The following VPS4B variants were observed in gnomAD, a reference collection of about 807,000 sequenced individuals.
VPS4B encodes the protein vacuolar protein sorting-associated protein 4B.
Under a neutral mutation model 56.1 loss-of-function variants are expected in VPS4B, and 23 were observed. That is an observed-to-expected ratio of 0.41 (90% CI 0.30 to 0.58). VPS4B has a LOEUF of 0.58. VPS4B is among the 20% of genes least tolerant of loss of function. VPS4B has a pLI of 0.29. For synonymous variants in VPS4B, 177 were observed against 186.0 expected (o/e 0.95, Z 0.39); for missense variants, 372 against 531.9 (o/e 0.70, Z 2.96).
intron 1 of VPS4B, among the ~76,000 whole-genome samples, chr18:63,413,626 G>C (rs1375319971): frequency 6.6e-6 from 1 of 151,844 alleles, no homozygotes; most frequent in Non-Finnish European, 1.5e-5. Flanking sequence ...GGTTAATTTA[G>C]GTAGTAAAAC....
At chr18:63,422,183 C>A in intron 1 of VPS4B, 50 bp downstream of exon 1, 2 of 1,447,158 alleles carry the variant, frequency 1.4e-6, no homozygotes, top group Non-Finnish European at 1.8e-6. Flanking sequence ...GCTTCTCGCG[C>A]CTCCCCTCGA....
chr18:63,412,690 T>C (rs1252553881), intron 1 of VPS4B, among the ~76,000 whole-genome samples: 2 of 152,138 alleles, frequency 1.3e-5, no homozygotes, highest in Non-Finnish European at 2.9e-5. Context: ...AAAACTTTGA[T>C]TCTTATTTAT....
chr18:63,399,133 C>A, intron 8 of VPS4B, 109 bp downstream of exon 8: 1 of 1,007,378 alleles, frequency 9.9e-7, no homozygotes, highest in Non-Finnish European at 1.5e-6. Context: ...GAGCACATTA[C>A]AAATCTTTTG....
At chr18:63,406,297 G>C (rs1199947169) in intron 4 of VPS4B, among the ~76,000 whole-genome samples, 1 of 152,164 alleles carries the variant, frequency 6.6e-6, no homozygotes, top group African/African-American at 2.4e-5. Context: ...ATCTAAAGAT[G>C]TTCTCTATTC....
chr18:63,398,225 T>TATATATATATA (rs1568084680), intron 8 of VPS4B, among the ~76,000 whole-genome samples: 13 of 54,978 alleles, frequency 2.4e-4, no homozygotes, highest in African/African-American at 5.2e-4. Context: ...ATATATATAT[T>TATATATATATA]TTTTTTTGAG....
chr18:63,400,968 G>A (rs1027065513), intron 5 of VPS4B, among the ~76,000 whole-genome samples: 2 of 152,182 alleles, frequency 1.3e-5, no homozygotes, highest in East Asian at 1.9e-4. Flanking sequence ...TATCAAAACC[G>A]TAACATGTGC....
At position 63,395,588 on chromosome 18, in the gene VPS4B, A is replaced by G. The variant is rs550867883; in HGVS notation, c.1092+1446T>C. On this transcript the variant is annotated intron_variant, in intron 9 of 10. Transcript: ENST00000238497. Reference sequence around the variant, plus strand: ...ACTTAAAAAAATCTTATTATGGTACATGATAAATATACGTATGTGACTTAG... The same window carrying G: ...ACTTAAAAAAATCTTATTATGGTACGTGATAAATATACGTATGTGACTTAG... Among the ~76,000 whole-genome samples, 3 of 152,360 alleles carry G rather than the reference A, an allele frequency of 2.0e-5. No homozygotes were observed. The East Asian group carries it at 5.8e-4, about 29-fold the overall frequency.
rs192803125 is a variant in VPS4B, at chr18:63,420,899, G to A, written c.27+1334C>T. On this transcript the variant is annotated intron_variant, in intron 1 of 10. Coordinates refer to ENST00000238497, the MANE Select transcript of VPS4B (RefSeq NM_004869.4). ...CTAAAAATACAAAAATTAGCTGGGC[G>A]TGGTGGTGGGTGCCTGTAGTCCCAG... 3.0e-3 allele frequency among the ~76,000 whole-genome samples: 451 copies of A among 151,936 alleles called. 2 individuals carry two copies. The highest frequency in any genetic ancestry group is 0.01 in the African/African-American group (425 of 41,484).
At chr18:63,413,323 G>A (rs1165245661) in intron 1 of VPS4B, among the ~76,000 whole-genome samples, 1 of 152,076 alleles carries the variant, frequency 6.6e-6, no homozygotes, top group Non-Finnish European at 1.5e-5. Context: ...AAATTCTCCT[G>A]AGCTCAGGAG....
chr18:63,407,291 C>T, intron 4 of VPS4B, 141 bp downstream of exon 4: 1 of 711,142 alleles, frequency 1.4e-6, no homozygotes. Context: ...CTAAACAAAG[C>T]CAGCACATGA....
At chr18:63,398,892 T>C (rs1488727487) in intron 8 of VPS4B, among the ~76,000 whole-genome samples, 1 of 152,206 alleles carries the variant, frequency 6.6e-6, no homozygotes, top group African/African-American at 2.4e-5. Flanking sequence ...ATTGCCATTT[T>C]GCTAAAATTT....
intron 9 of VPS4B, among the ~76,000 whole-genome samples, chr18:63,394,613 C>T (rs1472824112): frequency 1.3e-5 from 2 of 152,062 alleles, no homozygotes; most frequent in African/African-American, 4.8e-5. Flanking sequence ...ATTATAGGCG[C>T]CCGCCCTGAC....
At chr18:63,404,048 C>G (rs1199283451) in intron 4 of VPS4B, among the ~76,000 whole-genome samples, 2 of 152,122 alleles carry the variant, frequency 1.3e-5, no homozygotes, top group Non-Finnish European at 2.9e-5. Flanking sequence ...TGTTACTTTA[C>G]CCTTCTGTTT....
At chr18:63,408,299 G>A (rs35489622) in intron 3 of VPS4B, among the ~76,000 whole-genome samples, 5,292 of 152,152 alleles carry the variant, frequency 0.035, 96 homozygotes, top group African/African-American at 0.04. Flanking sequence ...CATATAAAGG[G>A]AGATAAAAGC....
rs912267876 is a variant in VPS4B at position 63,403,917 on chromosome 18, T to C, written c.365-91A>G. Reference sequence around the variant, plus strand: ...AAATAATGATGTTAAAGAAACGCATTATAAAATTGGGAAAGTTTTATGTAC... The same window carrying C: ...AAATAATGATGTTAAAGAAACGCATCATAAAATTGGGAAAGTTTTATGTAC... On this transcript the variant is annotated intron_variant, in intron 4 of 10. Transcript: ENST00000238497. 44 of 1,430,754 alleles carry C rather than the reference T, an allele frequency of 3.1e-5. No homozygotes were observed. In the Middle Eastern group the frequency reaches 5.4e-4, roughly 18 times the overall value. 88.6% of individuals were successfully genotyped at this position (1,430,754 alleles called of 1,614,324 possible).
At chr18:63,392,105 T>C (rs1042371830) in intron 10 of VPS4B, among the ~76,000 whole-genome samples, 1 of 152,186 alleles carries the variant, frequency 6.6e-6, no homozygotes, top group Non-Finnish European at 1.5e-5. Flanking sequence ...CACATTTACA[T>C]GTATATCTAT....
chr18:63,390,855 T>G lies in VPS4B; in HGVS notation c.*120A>C. On this transcript the variant is annotated 3_prime_UTR_variant, in exon 11 of 11. Transcript: ENST00000238497. ...TATAAAACCTAATGGAACTCTGAAGTGAGATGTGTATTTCCCTGTGGTAAA... is the reference window on the plus strand; with the variant it reads ...TATAAAACCTAATGGAACTCTGAAGGGAGATGTGTATTTCCCTGTGGTAAA... 4 of 637,220 alleles carry G rather than the reference T, an allele frequency of 6.3e-6. No individual in the cohort carries two copies. The highest frequency in any genetic ancestry group is 1.1e-5 in the Non-Finnish European group (4 of 368,506). 39.5% of individuals were successfully genotyped at this position (637,220 alleles called of 1,614,324 possible).
chr18:63,403,576 A>G (rs1220734260), intron 5 of VPS4B, 131 bp downstream of exon 5: 2 of 1,004,606 alleles, frequency 2.0e-6, no homozygotes, highest in African/African-American at 1.6e-5. Flanking sequence ...GTATAAAGAT[A>G]TATCACCACC....
intron 1 of VPS4B, among the ~76,000 whole-genome samples, chr18:63,414,440 CTTT>C (rs1568090938): frequency 6.6e-6 from 1 of 151,946 alleles, no homozygotes; most frequent in African/African-American, 2.4e-5. Context: ...AATCCTTTTT[CTTT>C]TTTCTTTTGA....
Sources: gnomAD v4.1 joint callset for allele counts (sites outside exome capture counted in the v4.1 genomes callset) on GRCh38, gnomAD v4.1.1 for gene constraint, MANE v1.5 for transcripts, NCBI Gene and HGNC (gene_info 2026-07-23, HGNC 2026-07-21) for gene names.